Variants in ALDH1L1 observed in about 807,000 individuals in gnomAD.
The protein encoded by ALDH1L1 is aldehyde dehydrogenase 1 family member L1, also known as cytosolic 10-formyltetrahydrofolate dehydrogenase.
A neutral mutation model predicts 101.1 loss-of-function variants in ALDH1L1; 68 were observed. The ratio of observed to expected loss-of-function variants is 0.67; its 90% CI spans 0.55 to 0.82. The LOEUF is 0.82. ALDH1L1 is among the 40% of genes least tolerant of loss of function. The pLI is 0.00. For synonymous variants in ALDH1L1, 486 were observed against 470.8 expected (o/e 1.03, Z -0.42); for missense variants, 1,087 against 1,172.7 (o/e 0.93, Z 1.07).
intron 12 of ALDH1L1, chr3:126,135,212 T>A (rs1218072810): frequency 3.9e-6 from 1 of 253,334 alleles, no homozygotes; most frequent in Non-Finnish European, 7.5e-6. Flanking sequence ...GTGAGGGAAG[T>A]GCTTTGTCTG....
chr3:126,190,657 G>T (rs1001268968), intron 1 of ALDH1L1, among the ~76,000 whole-genome samples: 3 of 152,168 alleles, frequency 2.0e-5, no homozygotes, highest in African/African-American at 7.2e-5. Flanking sequence ...ATGAACATCT[G>T]CCAGGGCATT....
intron 12 of ALDH1L1, among the ~76,000 whole-genome samples, chr3:126,133,175 C>T (rs2080350315): frequency 6.6e-6 from 1 of 152,190 alleles, no homozygotes; most frequent in African/African-American, 2.4e-5. Context: ...ACGTTTTTAG[C>T]CACTTAGGGC....
chr3:126,158,545 C>G lies in ALDH1L1; in HGVS notation c.222G>C (p.Gln74His), dbSNP rs532064135. 13 of 1,614,108 alleles carry G rather than the reference C, an allele frequency of 8.1e-6. No individual in the cohort carries two copies. Among genetic ancestry groups the G allele is most frequent in the Middle Eastern group, 1.6e-4 (1 of 6,084 alleles). Reference protein sequence around the residue: ...QALPDVVAKYQALGAELNVLP... With the variant: ...QALPDVVAKYHALGAELNVLP... Reference sequence around the variant, plus strand: ...GGACGTTGAGCTCGGCCCCCAAAGCCTGGTATTTTGCCACCACATCAGGCA... The same window carrying G: ...GGACGTTGAGCTCGGCCCCCAAAGCGTGGTATTTTGCCACCACATCAGGCA... Residue 74 changes from glutamine to histidine, a missense_variant, in exon 3 of 23, where the codon CAG becomes CAC. By Grantham distance (24) the Gln-to-His change is conservative. Transcript: ENST00000393434.
chr3:126,166,350 G>A (rs2108315121), intron 1 of ALDH1L1, among the ~76,000 whole-genome samples: 1 of 152,180 alleles, frequency 6.6e-6, no homozygotes, highest in Middle Eastern at 3.4e-3. Flanking sequence ...GGGAATTCCT[G>A]CATATAACTC....
chr3:126,182,039 A>G (rs962485182), upstream of ALDH1L1, among the ~76,000 whole-genome samples: 3 of 152,188 alleles, frequency 2.0e-5, no homozygotes, highest in Non-Finnish European at 4.4e-5. Flanking sequence ...CTAAAATGCC[A>G]TGACTTCAGG....
intron 8 of ALDH1L1, among the ~76,000 whole-genome samples, chr3:126,149,046 C>T (rs2080755686): frequency 6.6e-6 from 1 of 152,196 alleles, no homozygotes; most frequent in Non-Finnish European, 1.5e-5. Context: ...TGCTATAAAA[C>T]CCCACCCTTC....
Position 126,118,038 on chromosome 3 carries a change from C to G in ALDH1L1, c.1949G>C (p.Gly650Ala). 6.2e-7 allele frequency: 1 copy of G among 1,614,086 alleles called. No homozygotes were observed. The highest frequency in any genetic ancestry group is 8.5e-7 in the Non-Finnish European group (1 of 1,180,024). The change falls in exon 17 of 23, where the codon GGC becomes GCC. Residue 650 changes from glycine (G) to alanine (A), a missense_variant. By Grantham distance (60) the Gly-to-Ala change is moderately conservative. Around this residue, in one of 2 missense-constraint regions of ALDH1L1, gnomAD observed 442 missense variants for 535.7 expected, o/e 0.83. Coordinates refer to ENST00000393434, the MANE Select transcript of ALDH1L1 (RefSeq NM_012190.4). Reference sequence around the variant, plus strand: ...GATGTGCTTGCCCACCTCTGTGGAGCCTGTGAACCCGATTTTCCTCACATC... The same window carrying G: ...GATGTGCTTGCCCACCTCTGTGGAGGCTGTGAACCCGATTTTCCTCACATC... Reference protein sequence around the residue: ...HPDVRKIGFTGSTEVGKHIMK... With the variant: ...HPDVRKIGFTASTEVGKHIMK...
At chr3:126,139,346 C>A (rs577002373) in intron 9 of ALDH1L1, among the ~76,000 whole-genome samples, 55 of 152,316 alleles carry the variant, frequency 3.6e-4, no homozygotes, top group African/African-American at 1.3e-3. Flanking sequence ...AGGAACACAC[C>A]TTGCAAAAAA....
At chr3:126,125,755 T>C in intron 14 of ALDH1L1, 34 bp from the exon 15 acceptor site, 1 of 1,458,650 alleles carries the variant, frequency 6.9e-7, no homozygotes, top group Non-Finnish European at 9.2e-7. Context: ...TTTGTCCTTC[T>C]TCTCCACCAG....
upstream of ALDH1L1, chr3:126,181,034 G>A: frequency 1.3e-6 from 2 of 1,585,998 alleles, no homozygotes; most frequent in Non-Finnish European, 1.7e-6. Context: ...GCTTGCAGAG[G>A]CGGCCCCTTA....
chr3:126,167,452 A>C (rs1455096881), intron 1 of ALDH1L1, among the ~76,000 whole-genome samples: 1 of 152,190 alleles, frequency 6.6e-6, no homozygotes, highest in Non-Finnish European at 1.5e-5. Context: ...CGCTTTAACA[A>C]GATAATAAGG....
Position 126,135,568 on chromosome 3 carries a change from A to T in ALDH1L1, c.1439T>A (p.Ile480Asn), listed in dbSNP as rs775418569. The T allele has an allele frequency of 5.0e-6, 8 of 1,603,880 alleles. No homozygotes were observed. The highest frequency in any genetic ancestry group is 6.8e-6 in the Non-Finnish European group (8 of 1,175,694). Reference sequence around the variant, plus strand: ...CAGCCGGCCCCGGTCCCGCGCACTGATCTTCCCCCACCGTCCATTCTCAAA... The same window carrying T: ...CAGCCGGCCCCGGTCCCGCGCACTGTTCTTCCCCCACCGTCCATTCTCAAA... ...DAFENGRWGK[I>N]SARDRGRLMY... The change falls in exon 12 of 23, where the codon ATC (isoleucine) becomes AAC (asparagine). Residue 480 changes from isoleucine (I) to asparagine (N), a missense_variant. Ile to Asn is a moderately radical substitution (Grantham distance 149). Around this residue, in one of 2 missense-constraint regions of ALDH1L1, gnomAD observed 645 missense variants for 637.0 expected, o/e 1.01. Coordinates refer to ENST00000393434, the MANE Select transcript of ALDH1L1 (RefSeq NM_012190.4).
chr3:126,149,136 G>A (rs2080758108), intron 8 of ALDH1L1, among the ~76,000 whole-genome samples: 2 of 152,174 alleles, frequency 1.3e-5, no homozygotes, highest in African/African-American at 2.4e-5. Flanking sequence ...CTGGAATAAA[G>A]TCTCTGTTCT....
rs1946019733 is a variant in ALDH1L1 at position 126,109,879 on chromosome 3, G to C, written c.2347+65C>G. Reference sequence around the variant, plus strand: ...GATGTCTCCAGTTCAGCTGGACAGGGAACCAGAGGCCATGGGACCTGCTGC... The same window carrying C: ...GATGTCTCCAGTTCAGCTGGACAGGCAACCAGAGGCCATGGGACCTGCTGC... On this transcript the variant is annotated intron_variant, in intron 20 of 22. Coordinates refer to ENST00000393434, the MANE Select transcript of ALDH1L1 (RefSeq NM_012190.4). The C allele has an allele frequency of 2.5e-6, 4 of 1,589,378 alleles. No individual in the cohort carries two copies. In the Admixed American group the frequency reaches 6.7e-5, roughly 27 times the overall value.
chr3:126,157,600 A>T (rs2080941270), intron 3 of ALDH1L1, 92 bp from the exon 4 acceptor site: 1 of 1,423,048 alleles, frequency 7.0e-7, no homozygotes, highest in African/African-American at 1.4e-5. Flanking sequence ...ACCCTCCAGG[A>T]GGCCCTCTCT....
At chr3:126,190,614 C>T (rs1163590809) in intron 1 of ALDH1L1, among the ~76,000 whole-genome samples, 3 of 152,198 alleles carry the variant, frequency 2.0e-5, no homozygotes, top group Non-Finnish European at 4.4e-5. Flanking sequence ...TGAAATTACA[C>T]ATCCTAACAA....
At chr3:126,170,823 G>A (rs2081258744) in intron 1 of ALDH1L1, among the ~76,000 whole-genome samples, 1 of 152,172 alleles carries the variant, frequency 6.6e-6, no homozygotes, top group South Asian at 2.1e-4. Context: ...CAAGCAGCCA[G>A]AAAGAGCAGA....
intron 1 of ALDH1L1, among the ~76,000 whole-genome samples, chr3:126,192,447 G>T (rs1268434340): frequency 2.6e-5 from 4 of 152,134 alleles, no homozygotes; most frequent in Non-Finnish European, 5.9e-5. Context: ...TAAACATTTG[G>T]GTATTTTAGA....
At chr3:126,115,164 G>A (rs912508674) in intron 17 of ALDH1L1, 8 of 436,336 alleles carry the variant, frequency 1.8e-5, no homozygotes, top group African/African-American at 4.0e-5. Context: ...AGCACCATCC[G>A]CTGGCACAGC....
Sources: gnomAD v4.1 joint callset for allele counts (sites outside exome capture counted in the v4.1 genomes callset) on GRCh38, gnomAD v4.1.1 for gene constraint, gnomAD v4.1.1 regional missense constraint, MANE v1.5 for transcripts, NCBI Gene and HGNC (gene_info 2026-07-23, HGNC 2026-07-21) for gene names.